The following SLC8A3 variants were observed in gnomAD, a reference collection of about 807,000 sequenced individuals.
The protein encoded by SLC8A3 is sodium/calcium exchanger 3.
A neutral mutation model predicts 65.4 loss-of-function variants in SLC8A3; 37 were observed. The ratio of observed to expected loss-of-function variants is 0.57; its 90% CI spans 0.44 to 0.74. The LOEUF (loss-of-function observed/expected upper bound fraction) is 0.74. SLC8A3 is among the 30% of genes least tolerant of loss of function. The probability of loss-of-function intolerance (pLI) is 0.00; values close to 1 mark genes in which losing one functional copy is unlikely to be tolerated. For missense variants in SLC8A3, 1,112 were observed against 1,172.1 expected (o/e 0.95, Z 0.75); for synonymous variants, 461 against 444.5 (o/e 1.04, Z -0.47).
At chr14:70,068,693 A>G (rs1326241006) in intron 2 of SLC8A3, among the ~76,000 whole-genome samples, 2 of 151,842 alleles carry the variant, frequency 1.3e-5, no homozygotes, top group Admixed American at 1.3e-4. Flanking sequence ...CTCTTATTTC[A>G]TTCTTATTTC....
chr14:70,049,432 A>G (rs968728310), intron 5 of SLC8A3, among the ~76,000 whole-genome samples: 3 of 152,210 alleles, frequency 2.0e-5, no homozygotes, highest in Non-Finnish European at 4.4e-5. Context: ...GAGTTGAACA[A>G]TGAGAACACA....
intron 5 of SLC8A3, among the ~76,000 whole-genome samples, chr14:70,050,636 G>C (rs1485902803): frequency 6.6e-6 from 1 of 152,132 alleles, no homozygotes; most frequent in Non-Finnish European, 1.5e-5. Context: ...TTTTACAGAA[G>C]AGCGGGACCA....
intron 1 of SLC8A3, among the ~76,000 whole-genome samples, chr14:70,177,162 T>C (rs1192357964): frequency 6.6e-6 from 1 of 152,234 alleles, no homozygotes; most frequent in Non-Finnish European, 1.5e-5. Flanking sequence ...CCTAAATCAG[T>C]GCCTGGCATA....
intron 2 of SLC8A3, among the ~76,000 whole-genome samples, chr14:70,149,176 G>T (rs1594761902): frequency 6.6e-6 from 1 of 152,294 alleles, no homozygotes; most frequent in Non-Finnish European, 1.5e-5. Context: ...ACTTCATTAG[G>T]TTACAGGAAA....
chr14:70,079,045 T>C (rs1315486299), intron 2 of SLC8A3, among the ~76,000 whole-genome samples: 2 of 152,228 alleles, frequency 1.3e-5, no homozygotes, highest in African/African-American at 4.8e-5. Flanking sequence ...ATGTTACAGT[T>C]GTAAAGAATC....
At chr14:70,050,014 G>C (rs1326819348) in intron 5 of SLC8A3, among the ~76,000 whole-genome samples, 1 of 152,260 alleles carries the variant, frequency 6.6e-6, no homozygotes, top group African/African-American at 2.4e-5. Context: ...ATAACCGGTA[G>C]AAGCTGGGGT....
rs760198100 is a variant in SLC8A3, at chr14:70,168,239, T to A, written c.184A>T (p.Ile62Phe). 2 of 1,614,152 alleles carry A rather than the reference T, an allele frequency of 1.2e-6. No homozygotes were observed. The highest frequency in any genetic ancestry group is 1.1e-5 in the South Asian group (1 of 91,076). ...SDCKEGVILP[I>F]WYPENPSLGD... is the part of the protein sequence containing the mutation. The stretch of plus-strand genomic sequence containing the variant: ...AGGGAAGGGTTCTCCGGGTACCAGA[T>A]TGGCAGGATGACACCCTCCTTGCAG... Residue 62 changes from isoleucine to phenylalanine, a missense_variant, in exon 2 of 7, where the codon ATC (isoleucine) becomes TTC (phenylalanine). Physicochemically the swap from Ile to Phe is conservative, Grantham distance 21 (BLOSUM62 0). Coordinates refer to ENST00000356921, the MANE Select transcript of SLC8A3 (RefSeq NM_182932.3).
At chr14:70,058,132 T>A (rs1031414390) in intron 3 of SLC8A3, among the ~76,000 whole-genome samples, 10 of 152,346 alleles carry the variant, frequency 6.6e-5, no homozygotes, top group African/African-American at 2.4e-4. Context: ...TAGAGTCTCC[T>A]ATTTCAAATC....
chr14:70,087,009 C>A (rs915145051), intron 2 of SLC8A3, among the ~76,000 whole-genome samples: 2 of 152,178 alleles, frequency 1.3e-5, no homozygotes, highest in Non-Finnish European at 2.9e-5. Context: ...AGGCCCTGAT[C>A]GACTGGAGGC....
At chr14:70,176,599 A>G (rs1334139547) in intron 1 of SLC8A3, among the ~76,000 whole-genome samples, 6 of 152,268 alleles carry the variant, frequency 3.9e-5, no homozygotes, top group African/African-American at 1.4e-4. Context: ...AGAAGGACTC[A>G]TAGCAGATCA....
intron 2 of SLC8A3, among the ~76,000 whole-genome samples, chr14:70,128,864 C>T (rs1278708398): frequency 1.3e-5 from 2 of 152,162 alleles, no homozygotes; most frequent in Non-Finnish European, 2.9e-5. Context: ...AAAGCTCACG[C>T]AAAACGCACA....
intron 2 of SLC8A3, among the ~76,000 whole-genome samples, chr14:70,092,828 T>C (rs1175814972): frequency 6.6e-6 from 1 of 152,224 alleles, no homozygotes; most frequent in Non-Finnish European, 1.5e-5. Flanking sequence ...TTTCTCATGC[T>C]TTGCTTATGC....
intron 2 of SLC8A3, among the ~76,000 whole-genome samples, chr14:70,076,637 G>T (rs1890544701): frequency 6.6e-6 from 1 of 152,112 alleles, no homozygotes; most frequent in South Asian, 2.1e-4. Flanking sequence ...CTATTATTGG[G>T]CTACTCTTAG....
At chr14:70,051,953 T>G in intron 4 of SLC8A3, 37 bp downstream of exon 4, 1 of 1,582,894 alleles carries the variant, frequency 6.3e-7, no homozygotes, top group Non-Finnish European at 8.7e-7. Context: ...CACTTTAATT[T>G]ATTTATTATT....
At position 70,167,196 on chromosome 14, in the gene SLC8A3, C is replaced by T. The variant is rs778663920; in HGVS notation, c.1227G>A (p.Glu409=). 1.2e-6 allele frequency: 2 copies of T among 1,614,188 alleles called. No individual in the cohort carries two copies. Among genetic ancestry groups the T allele is most frequent in the South Asian group, 1.1e-5 (1 of 91,080 alleles). The change falls in exon 2 of 7, where the codon GAG becomes GAA. Residue 409 remains glutamate (E), a synonymous_variant. Coordinates refer to ENST00000356921, the MANE Select transcript of SLC8A3 (RefSeq NM_182932.3). The part of the protein sequence containing the change: ...FFDPCSYQCL[E]NCGAVLLTVV... ...CTGTCAGGAGTACAGCCCCACAGTT[C>T]TCCAGGCACTGGTAAGAACATGGGT...
chr14:70,168,347 T>A lies in SLC8A3; in HGVS notation c.76A>T (p.Asn26Tyr), dbSNP rs1462129717. The change falls in exon 2 of 7, where the codon AAT becomes TAT. Residue 26 changes from asparagine to tyrosine, a missense_variant. Transcript: ENST00000356921. ...FGLVTFVLFL[N>Y]GLRAEAGGSG... ...CCACCAGCCTCTGCTCGAAGACCATTCAGGAAGAGCACAAAGGTAACCAGC... is the reference window on the plus strand; with the variant it reads ...CCACCAGCCTCTGCTCGAAGACCATACAGGAAGAGCACAAAGGTAACCAGC... The A allele has an allele frequency of 6.2e-7, 1 of 1,613,996 alleles. No individual in the cohort carries two copies. The highest frequency in any genetic ancestry group is 1.1e-5 in the South Asian group (1 of 91,064).
intron 2 of SLC8A3, among the ~76,000 whole-genome samples, chr14:70,086,600 C>T (rs1381812828): frequency 4.6e-5 from 7 of 151,960 alleles, no homozygotes; most frequent in Admixed American, 3.9e-4. Flanking sequence ...GACGGAGTTT[C>T]GCCATGTTGG....
At chr14:70,101,002 A>G (rs1892516075) in intron 2 of SLC8A3, among the ~76,000 whole-genome samples, 1 of 152,246 alleles carries the variant, frequency 6.6e-6, no homozygotes, top group Non-Finnish European at 1.5e-5. Context: ...AATGTAAGGT[A>G]TTATGTTTGT....
At chr14:70,086,651 C>G (rs562536705) in intron 2 of SLC8A3, among the ~76,000 whole-genome samples, 1 of 151,958 alleles carries the variant, frequency 6.6e-6, no homozygotes, top group Non-Finnish European at 1.5e-5. Flanking sequence ...TGGTCTGCCC[C>G]CCTCAGCCTC....
Sources: gnomAD v4.1 joint callset for allele counts (sites outside exome capture counted in the v4.1 genomes callset) on GRCh38, gnomAD v4.1.1 for gene constraint, MANE v1.5 for transcripts, NCBI Gene and HGNC (gene_info 2026-07-23, HGNC 2026-07-21) for gene names.